SSH2: variants seen among roughly 807,000 people sequenced by gnomAD.
SSH2 encodes the protein protein phosphatase Slingshot homolog 2.
Under a neutral mutation model 135.2 loss-of-function variants are expected in SSH2, and 37 were observed. The ratio of observed to expected loss-of-function variants is 0.27; its 90% CI spans 0.21 to 0.36. SSH2 has a LOEUF of 0.36. SSH2 is among the 10% of genes least tolerant of loss of function. The probability of loss-of-function intolerance (pLI) is 1.00; values close to 1 mark genes in which losing one functional copy is unlikely to be tolerated. For synonymous variants in SSH2, 628 were observed against 646.2 expected (o/e 0.97, Z 0.43); for missense variants, 1,408 against 1,765.3 (o/e 0.80, Z 3.63).
chr17:29,770,463 T>A (rs1398383710), intron 3 of SSH2, among the ~76,000 whole-genome samples: 4 of 151,734 alleles, frequency 2.6e-5, no homozygotes, highest in South Asian at 2.1e-4. Context: ...TCTCTTTTTT[T>A]ATAATTAAGT....
At chr17:29,877,017 C>G (rs975257137) in intron 1 of SSH2, among the ~76,000 whole-genome samples, 5 of 151,822 alleles carry the variant, frequency 3.3e-5, no homozygotes, top group Admixed American at 2.0e-4. Context: ...CCAAACAACT[C>G]TATAGGAAAA....
intron 3 of SSH2, among the ~76,000 whole-genome samples, chr17:29,782,968 G>A (rs764073349): frequency 1.3e-5 from 2 of 152,160 alleles, no homozygotes; most frequent in African/African-American, 2.4e-5. Context: ...TGATCTTCCC[G>A]TCTTGGGCTT....
chr17:29,908,511 TC>T (rs2066698042), intron 1 of SSH2, among the ~76,000 whole-genome samples: 2 of 151,944 alleles, frequency 1.3e-5, no homozygotes, highest in Non-Finnish European at 2.9e-5. Context: ...ATGCCTGTAA[TC>T]CCAGAACACT....
At chr17:29,649,595 A>G (rs531048373) in intron 13 of SSH2, among the ~76,000 whole-genome samples, 4 of 152,196 alleles carry the variant, frequency 2.6e-5, no homozygotes, top group African/African-American at 9.6e-5. Flanking sequence ...AGTCTTGCTC[A>G]GGCTAATCTT....
chr17:29,892,940 A>C (rs908334288), intron 1 of SSH2, among the ~76,000 whole-genome samples: 8 of 151,962 alleles, frequency 5.3e-5, no homozygotes, highest in African/African-American at 1.9e-4. Context: ...CTCTCACCCT[A>C]AATTTCCCTC....
chr17:29,652,297 T>C (rs942685367), intron 12 of SSH2, among the ~76,000 whole-genome samples: 1 of 152,092 alleles, frequency 6.6e-6, no homozygotes, highest in African/African-American at 2.4e-5. Context: ...TGTACACAAA[T>C]GGTCACAGCA....
intron 3 of SSH2, among the ~76,000 whole-genome samples, chr17:29,778,286 A>G (rs2041754163): frequency 6.6e-6 from 1 of 152,192 alleles, no homozygotes; most frequent in South Asian, 2.1e-4. Context: ...GTCCAGCTGA[A>G]AGGAAAGTAT....
chr17:29,766,024 A>AAAG (rs1332995947), intron 3 of SSH2, among the ~76,000 whole-genome samples: 1 of 150,848 alleles, frequency 6.6e-6, no homozygotes, highest in African/African-American at 2.4e-5. Context: ...CGTCTCCAAA[A>AAAG]AAAAAAAAAA....
At chr17:29,871,189 T>C (rs943736372) in intron 1 of SSH2, among the ~76,000 whole-genome samples, 10 of 152,132 alleles carry the variant, frequency 6.6e-5, no homozygotes, top group Non-Finnish European at 1.2e-4. Context: ...AATTGTTTTT[T>C]TTTTTCTCTT....
intron 1 of SSH2, among the ~76,000 whole-genome samples, chr17:29,892,732 T>C (rs559056038): frequency 1.3e-5 from 2 of 152,236 alleles, no homozygotes; most frequent in East Asian, 1.9e-4. Context: ...TAGAGCTCAC[T>C]GTAATATTAT....
chr17:29,669,869 C>G (rs1013754293), intron 9 of SSH2, among the ~76,000 whole-genome samples: 12 of 150,772 alleles, frequency 8.0e-5, no homozygotes, highest in African/African-American at 2.9e-4. Context: ...TCAAAATCTT[C>G]TCTAATAAAA....
chr17:29,657,584 T>TTTTTG (rs2036842949), intron 11 of SSH2, among the ~76,000 whole-genome samples: 1 of 142,880 alleles, frequency 7.0e-6, no homozygotes, highest in Non-Finnish European at 1.5e-5. Flanking sequence ...GTTTTTTTTT[T>TTTTTG]TTTTTTTTTT....
intron 3 of SSH2, among the ~76,000 whole-genome samples, chr17:29,786,733 C>G (rs2041973165): frequency 6.6e-6 from 1 of 152,108 alleles, no homozygotes; most frequent in Non-Finnish European, 1.5e-5. Context: ...AGGAGGATCA[C>G]TTGAGCCCAG....
chr17:29,650,797 T>C lies in SSH2; in HGVS notation c.1083A>G (p.Val361=), dbSNP rs771435379. 4.4e-6 allele frequency: 7 copies of C among 1,603,608 alleles called. No individual in the cohort carries two copies. The African/African-American group carries it at 8.1e-5, about 18-fold the overall frequency. The change falls in exon 13 of 16, where the codon GTA becomes GTG. Residue 361 remains valine, a synonymous_variant. Coordinates refer to ENST00000540801, the MANE Select transcript of SSH2 (RefSeq NM_001282129.2). ...SNLEDLQNRG[V]RYILNVTREI... The stretch of plus-strand genomic sequence containing the variant: ...CTCGAGTGACATTCAAGATATACCG[T>C]ACCCTGCAAGGAAACCAAGGGAGAA...
intron 2 of SSH2, among the ~76,000 whole-genome samples, chr17:29,822,373 T>A (rs1031852767): frequency 2.0e-5 from 3 of 150,664 alleles, no homozygotes; most frequent in Non-Finnish European, 4.4e-5. Context: ...CTTTTTTTTT[T>A]CTTTCTGAGA....
intron 2 of SSH2, among the ~76,000 whole-genome samples, chr17:29,847,412 C>T (rs1172216240): frequency 1.3e-5 from 2 of 152,124 alleles, no homozygotes; most frequent in African/African-American, 2.4e-5. Context: ...AGCTGGTCCT[C>T]TCTATTTCTA....
At position 29,741,879 on chromosome 17, in the gene SSH2, G is replaced by T. The variant is rs1368160864; in HGVS notation, c.189-38817C>A. On this transcript the variant is annotated intron_variant, in intron 3 of 15. Coordinates refer to ENST00000540801, the MANE Select transcript of SSH2 (RefSeq NM_001282129.2). ...TCTGCCCGTCTAAGCTTCCCAAAGT[G>T]CTTGGGATTACAGGAGTGAGCCACC... Among the ~76,000 whole-genome samples, 4 of 150,276 alleles carry T rather than the reference G, an allele frequency of 2.7e-5. No homozygotes were observed. In the East Asian group the frequency reaches 7.8e-4, roughly 29 times the overall value.
At chr17:29,894,039 T>C (rs2066398920) in intron 1 of SSH2, among the ~76,000 whole-genome samples, 1 of 152,158 alleles carries the variant, frequency 6.6e-6, no homozygotes, top group South Asian at 2.1e-4. Context: ...TCTCCACTTG[T>C]CTCATGTTAC....
chr17:29,860,833 C>T (rs1408515281), intron 1 of SSH2, among the ~76,000 whole-genome samples: 1 of 151,800 alleles, frequency 6.6e-6, no homozygotes, highest in East Asian at 1.9e-4. Context: ...GCAACATACA[C>T]CTCCCAGGTT....
Sources: gnomAD v4.1 joint callset for allele counts (sites outside exome capture counted in the v4.1 genomes callset) on GRCh38, gnomAD v4.1.1 for gene constraint, MANE v1.5 for transcripts, NCBI Gene and HGNC (gene_info 2026-07-23, HGNC 2026-07-21) for gene names.